Variants in GASK1A observed in about 807,000 individuals in gnomAD.
GASK1A encodes the protein golgi associated kinase 1A, also known as Golgi-associated kinase 1A.
Under a neutral mutation model 41.2 loss-of-function variants are expected in GASK1A, and 40 were observed. That is an observed-to-expected ratio of 0.97 (90% CI 0.75 to 1.27). GASK1A has a LOEUF of 1.27. Among genes scored for constraint, GASK1A ranks in the 50% most tolerant of loss-of-function variants. The pLI is 0.00. For synonymous variants in GASK1A, 316 were observed against 307.1 expected, an observed-to-expected ratio of 1.03 and a Z score of -0.30; for missense variants, 678 against 745.1, an observed-to-expected ratio of 0.91 and a Z score of 1.05.
At chr3:42,998,908 G>A (rs181203800) in intron 1 of GASK1A, among the ~76,000 whole-genome samples, 14 of 152,210 alleles carry the variant, frequency 9.2e-5, no homozygotes, top group African/African-American at 2.9e-4. Flanking sequence ...GATTCACAGC[G>A]TGAGAAAAGC....
chr3:43,031,250 A>C (rs571680935), intron 1 of GASK1A, among the ~76,000 whole-genome samples: 1 of 152,180 alleles, frequency 6.6e-6, no homozygotes, highest in Non-Finnish European at 1.5e-5. Context: ...ATAAAGGCTC[A>C]CAGGTACAGA....
At chr3:43,008,305 G>A (rs1372508224) in intron 1 of GASK1A, among the ~76,000 whole-genome samples, 1 of 152,224 alleles carries the variant, frequency 6.6e-6, no homozygotes, top group Non-Finnish European at 1.5e-5. Context: ...GCTACAGTTG[G>A]TGTTCTGGAG....
intron 1 of GASK1A, among the ~76,000 whole-genome samples, chr3:43,017,934 G>A (rs543926526): frequency 6.6e-6 from 1 of 152,194 alleles, no homozygotes; most frequent in African/African-American, 2.4e-5. Flanking sequence ...GGAAGAAGTA[G>A]TGTTAAGTCA....
At chr3:43,055,676 G>T in intron 4 of GASK1A, 141 bp downstream of exon 4, 2 of 653,526 alleles carry the variant, frequency 3.1e-6, no homozygotes, top group South Asian at 3.6e-5. Context: ...TTTAGGCGGT[G>T]GTGGGGAGCC....
chr3:43,042,727 C>T (rs1477058110), intron 2 of GASK1A, among the ~76,000 whole-genome samples: 1 of 152,130 alleles, frequency 6.6e-6, no homozygotes, highest in Non-Finnish European at 1.5e-5. Flanking sequence ...ATTTAGGAGG[C>T]TCCACAGATG....
intron 2 of GASK1A, among the ~76,000 whole-genome samples, chr3:43,036,522 A>T (rs1298818346): frequency 6.6e-6 from 1 of 152,162 alleles, no homozygotes; most frequent in East Asian, 1.9e-4. Context: ...CACATCTCTT[A>T]TACACCCCAT....
At chr3:42,995,561 C>G (rs535161802) in intron 1 of GASK1A, among the ~76,000 whole-genome samples, 3 of 152,198 alleles carry the variant, frequency 2.0e-5, no homozygotes, top group Admixed American at 2.0e-4. Context: ...ATAAACTCTC[C>G]TCTAGGTCTA....
intron 1 of GASK1A, among the ~76,000 whole-genome samples, chr3:43,018,006 G>A (rs2125682150): frequency 6.6e-6 from 1 of 152,300 alleles, no homozygotes; most frequent in South Asian, 2.1e-4. Context: ...GTGGCCGTAT[G>A]AAGTCACAGG....
At chr3:43,010,416 A>G (rs2089457851) in intron 1 of GASK1A, among the ~76,000 whole-genome samples, 1 of 152,184 alleles carries the variant, frequency 6.6e-6, no homozygotes, top group Non-Finnish European at 1.5e-5. Flanking sequence ...AAACACCATT[A>G]TAGCATTTTA....
At chr3:42,993,138 C>T (rs1329829623) in intron 1 of GASK1A, among the ~76,000 whole-genome samples, 1 of 152,200 alleles carries the variant, frequency 6.6e-6, no homozygotes, top group East Asian at 1.9e-4. Flanking sequence ...GAGTCCTTCT[C>T]AGGCCATATT....
At chr3:42,990,277 G>A (rs1321631363) in intron 1 of GASK1A, among the ~76,000 whole-genome samples, 2 of 151,738 alleles carry the variant, frequency 1.3e-5, no homozygotes, top group East Asian at 3.9e-4. Context: ...TTGGGCCCAG[G>A]AGGTCGAGGG....
intron 1 of GASK1A, among the ~76,000 whole-genome samples, chr3:43,022,258 T>C (rs1575444370): frequency 6.6e-6 from 1 of 152,366 alleles, no homozygotes; most frequent in East Asian, 1.9e-4. Flanking sequence ...CCCAAAGCTT[T>C]ACTTGGGTGG....
intron 2 of GASK1A, among the ~76,000 whole-genome samples, chr3:43,040,874 C>A (rs2089633050): frequency 1.5e-5 from 1 of 64,804 alleles, no homozygotes; most frequent in African/African-American, 3.4e-5. Flanking sequence ...CAATGCTATC[C>A]CTCCCCCCCG....
At chr3:43,048,598 G>A (rs866568194) in intron 2 of GASK1A, among the ~76,000 whole-genome samples, 6 of 152,238 alleles carry the variant, frequency 3.9e-5, no homozygotes, top group African/African-American at 7.2e-5. Flanking sequence ...TTGACAGACT[G>A]TGTAGAACAC....
At position 43,025,423 on chromosome 3, in the gene GASK1A, A is replaced by G. The variant is rs75887253; in HGVS notation, c.4-6844A>G. Among the ~76,000 whole-genome samples, 824 of 152,276 alleles carry G rather than the reference A, an allele frequency of 5.4e-3. 6 individuals carry two copies. Among genetic ancestry groups the G allele is most frequent in the African/African-American group, 0.019 (777 of 41,546 alleles). ...AGAAGGATGGGAATCCATAGGAGAG[A>G]GGATGAGATGGTGAATAAATTAGAA... is the stretch of plus-strand genomic sequence containing the variant. On this transcript the variant is annotated intron_variant, in intron 1 of 4. Transcript: ENST00000430121.
chr3:43,027,061 A>C (rs1451107887), intron 1 of GASK1A, among the ~76,000 whole-genome samples: 2 of 152,242 alleles, frequency 1.3e-5, no homozygotes, highest in Admixed American at 1.3e-4. Flanking sequence ...TTAACCTTAC[A>C]AAACAGTGGA....
chr3:43,046,474 G>C (rs2089662551), intron 2 of GASK1A, among the ~76,000 whole-genome samples: 1 of 152,192 alleles, frequency 6.6e-6, no homozygotes, highest in Non-Finnish European at 1.5e-5. Flanking sequence ...GATACTCTTA[G>C]AAACATTCAG....
In GASK1A at chr3:42,979,649, G is replaced by A; in HGVS notation, c.3+4G>A. ...CCGGGGCACCGCCGGGGACATGGTA[G>A]GACTCGCGGGAAGGAACGCGCGAGC... On this transcript the variant is annotated splice_donor_region_variant and intron_variant, in intron 1 of 4. Coordinates refer to ENST00000430121, the MANE Select transcript of GASK1A (RefSeq NM_001129908.3). The A allele has an allele frequency of 8.0e-7, 1 of 1,245,542 alleles. No homozygotes were observed. The highest frequency in any genetic ancestry group is 1.0e-6 in the Non-Finnish European group (1 of 987,686). 77.2% of individuals were successfully genotyped at this position (1,245,542 alleles called of 1,614,324 possible). A position where few individuals can be genotyped will look rare whatever the true frequency, so the allele number is the denominator to read the frequency against.
chr3:43,000,998 G>C (rs933561997), intron 1 of GASK1A, among the ~76,000 whole-genome samples: 2 of 152,248 alleles, frequency 1.3e-5, no homozygotes, highest in Non-Finnish European at 2.9e-5. Context: ...GGAGATGCCT[G>C]GGTGCCTGTC....
Sources: allele counts gnomAD v4.1 joint callset (sites outside exome capture counted in the v4.1 genomes callset), GRCh38; gene constraint gnomAD v4.1.1; transcripts MANE v1.5; gene names NCBI Gene and HGNC (gene_info 2026-07-23, HGNC 2026-07-21).